The following FRYL variants were observed in gnomAD, a reference collection of about 807,000 sequenced individuals.
FRYL encodes FRY like transcription coactivator.
Under a neutral mutation model 351.2 loss-of-function variants are expected in FRYL, and 150 were observed. The observed-to-expected ratio is 0.43, with a 90% CI of 0.37 to 0.49. FRYL has a LOEUF of 0.49. Among genes scored for constraint, FRYL ranks in the 20% least tolerant of loss-of-function variants. The pLI is 0.00. For synonymous variants in FRYL, 1,153 were observed against 1,257.1 expected (o/e 0.92, Z 1.75); for missense variants, 3,036 against 3,619.3 (o/e 0.84, Z 4.13).
intron 16 of FRYL, among the ~76,000 whole-genome samples, chr4:48,592,082 TTATATATA>T (rs56320005): frequency 0.11 from 12,330 of 115,954 alleles, 1,143 homozygotes; most frequent in South Asian, 0.16. Flanking sequence ...AATAAAGCTC[TTATATATA>T]TATATATATA....
At chr4:48,668,391 A>G (rs1186794628) in intron 3 of FRYL, among the ~76,000 whole-genome samples, 1 of 151,850 alleles carries the variant, frequency 6.6e-6, no homozygotes, top group East Asian at 1.9e-4. Context: ...AAAATTAAAA[A>G]AAAAAAAAAA....
chr4:48,674,779 T>G (rs1032628242), intron 3 of FRYL, among the ~76,000 whole-genome samples: 1 of 141,748 alleles, frequency 7.1e-6, no homozygotes, highest in Admixed American at 7.1e-5. Flanking sequence ...TACAGCTATA[T>G]ATAGTAGAAG....
chr4:48,640,781 T>C (rs1755165727), intron 3 of FRYL, among the ~76,000 whole-genome samples: 2 of 152,088 alleles, frequency 1.3e-5, no homozygotes, highest in Non-Finnish European at 2.9e-5. Flanking sequence ...CCCGAAATTA[T>C]GCTAAAAAAT....
At chr4:48,739,916 C>T (rs865793134) in intron 1 of FRYL, among the ~76,000 whole-genome samples, 39 of 152,244 alleles carry the variant, frequency 2.6e-4, no homozygotes, top group African/African-American at 6.3e-4. Context: ...AAGTAAGAGA[C>T]CTGAGCTAGA....
chr4:48,696,087 A>C (rs768979789), intron 2 of FRYL, among the ~76,000 whole-genome samples: 13 of 152,308 alleles, frequency 8.5e-5, no homozygotes, highest in Non-Finnish European at 1.6e-4. Context: ...TGGGAGGGTA[A>C]ATTAGTTCAA....
chr4:48,612,670 T>C (rs1748466441), intron 7 of FRYL, among the ~76,000 whole-genome samples: 1 of 152,136 alleles, frequency 6.6e-6, no homozygotes, highest in East Asian at 1.9e-4. Context: ...GCTCCACCTC[T>C]TGGGTTCACG....
intron 59 of FRYL, chr4:48,506,230 C>T (rs1319885404): frequency 6.6e-6 from 1 of 151,690 alleles, no homozygotes. Flanking sequence ...GGGGGTATTC[C>T]TAATGTTGAT....
At chr4:48,711,258 A>C (rs1187696035) in intron 1 of FRYL, among the ~76,000 whole-genome samples, 2 of 152,244 alleles carry the variant, frequency 1.3e-5, no homozygotes, top group African/African-American at 4.8e-5. Context: ...AAGCAGGATG[A>C]GGCATTGCCT....
intron 7 of FRYL, chr4:48,618,608 T>G (rs986124672): frequency 6.6e-6 from 1 of 151,404 alleles, no homozygotes; most frequent in African/African-American, 2.4e-5. Context: ...AAAAAAAAGC[T>G]TTCAAATTCA....
chr4:48,661,516 C>T (rs541078930), intron 3 of FRYL, among the ~76,000 whole-genome samples: 2 of 152,280 alleles, frequency 1.3e-5, no homozygotes, highest in South Asian at 2.1e-4. Context: ...GAAGGTCATG[C>T]CTCATAATGG....
chr4:48,768,203 C>T (rs1341417401), intron 1 of FRYL, among the ~76,000 whole-genome samples: 4 of 152,214 alleles, frequency 2.6e-5, no homozygotes, highest in African/African-American at 9.7e-5. Context: ...CTGCAGCTTA[C>T]AGGTGCCCAA....
At chr4:48,547,870 T>C in intron 40 of FRYL, 101 bp from the exon 41 acceptor site, 1 of 775,018 alleles carries the variant, frequency 1.3e-6, no homozygotes, top group South Asian at 3.8e-5. Context: ...ATATGAAAGA[T>C]TTCATGGAAG....
chr4:48,680,779 A>C (rs1323953457), intron 3 of FRYL, among the ~76,000 whole-genome samples: 1 of 152,216 alleles, frequency 6.6e-6, no homozygotes, highest in Non-Finnish European at 1.5e-5. Flanking sequence ...TTATTAAAAA[A>C]GTAGGCCAAC....
Position 48,510,086 on chromosome 4 carries a change from G to C in FRYL, c.8367C>G (p.Tyr2789Ter). The C allele has an allele frequency of 6.2e-7, 1 of 1,613,204 alleles. No homozygotes were observed. The highest frequency in any genetic ancestry group is 2.2e-5 in the East Asian group (1 of 44,862). ...GCTCAGCGGCTTCTCTTTTCACATT[G>C]TATGTATCCAGGTGTTCTTGCAACT... ...VLELQEHLDTYNVKREAAEQW... is the reference protein window; with the variant it reads ...VLELQEHLDT Residue 2789 changes from tyrosine to a stop codon, truncating the protein, a stop_gained, in exon 59 of 64, where the codon TAC becomes TAG. Coordinates refer to ENST00000358350, the MANE Select transcript of FRYL (RefSeq NM_015030.2). LOFTEE classifies it high-confidence loss of function.
intron 3 of FRYL, among the ~76,000 whole-genome samples, chr4:48,669,064 T>G (rs1762224999): frequency 6.6e-6 from 1 of 152,246 alleles, no homozygotes; most frequent in African/African-American, 2.4e-5. Flanking sequence ...AGACATTTTA[T>G]TGTCTTATTC....
intron 3 of FRYL, among the ~76,000 whole-genome samples, chr4:48,642,400 T>A (rs1163609751): frequency 6.6e-6 from 1 of 152,158 alleles, no homozygotes; most frequent in African/African-American, 2.4e-5. Context: ...AGAGGAGAGA[T>A]CTAATTCTTA....
chr4:48,676,500 GCCT>G (rs1763702718), intron 3 of FRYL, among the ~76,000 whole-genome samples: 1 of 151,682 alleles, frequency 6.6e-6, no homozygotes, highest in Admixed American at 6.6e-5. Context: ...TCCTGCCTCA[GCCT>G]CCTGAGTAGC....
At chr4:48,736,489 T>C (rs549860882) in intron 1 of FRYL, among the ~76,000 whole-genome samples, 7 of 152,012 alleles carry the variant, frequency 4.6e-5, no homozygotes, top group African/African-American at 1.4e-4. Context: ...CACAAACAAC[T>C]AATATTAGAA....
chr4:48,767,466 C>CAGA (rs1775086115), intron 1 of FRYL, among the ~76,000 whole-genome samples: 1 of 152,132 alleles, frequency 6.6e-6, no homozygotes, highest in African/African-American at 2.4e-5. Context: ...ACACACACAA[C>CAGA]AGAATATTAT....
Sources: gnomAD v4.1 joint callset for allele counts (sites outside exome capture counted in the v4.1 genomes callset) on GRCh38, gnomAD v4.1.1 for gene constraint, MANE v1.5 for transcripts, NCBI Gene and HGNC (gene_info 2026-07-23, HGNC 2026-07-21) for gene names.